VSTM2L: variants seen among roughly 807,000 people sequenced by gnomAD.
VSTM2L encodes V-set and transmembrane domain-containing protein 2-like protein.
VSTM2L carries 9 observed loss-of-function variants against 19.9 expected under a neutral mutation model. That is an observed-to-expected ratio of 0.45 (90% CI 0.27 to 0.79). The LOEUF (loss-of-function observed/expected upper bound fraction) is 0.79. VSTM2L is among the 30% of genes least tolerant of loss of function. The probability of loss-of-function intolerance (pLI) is 0.15; values close to 1 mark genes in which losing one functional copy is unlikely to be tolerated. For missense variants in VSTM2L, 286 were observed against 295.5 expected (o/e 0.97, Z 0.24); for synonymous variants, 127 against 133.8 (o/e 0.95, Z 0.35).
chr20:37,926,596 G>C (rs1232175555), intron 1 of VSTM2L, among the ~76,000 whole-genome samples: 1 of 152,194 alleles, frequency 6.6e-6, no homozygotes, highest in Non-Finnish European at 1.5e-5. Flanking sequence ...TTGCGGTTTT[G>C]ACCATTACTT....
In VSTM2L at chr20:37,944,378, C is replaced by A; in HGVS notation, c.*125C>A. 7.8e-7 allele frequency: 1 copy of A among 1,280,086 alleles called. No homozygotes were observed. Among genetic ancestry groups the A allele is most frequent in the Non-Finnish European group, 1.0e-6 (1 of 983,978 alleles). The allele number at this position is 1,280,086 out of a possible 1,614,324, so 79.3% of individuals were successfully genotyped here. Reference sequence around the variant, plus strand: ...CCATCCCCGAGGCCGCCTGTGGCCACCATGTCGGCCCTCTTTCCACCACCC... The same window carrying A: ...CCATCCCCGAGGCCGCCTGTGGCCAACATGTCGGCCCTCTTTCCACCACCC... On this transcript the variant is annotated 3_prime_UTR_variant, in exon 4 of 4. Coordinates refer to ENST00000373461, the MANE Select transcript of VSTM2L (RefSeq NM_080607.3).
intron 1 of VSTM2L, among the ~76,000 whole-genome samples, chr20:37,928,290 T>C (rs536995853): frequency 1.6e-4 from 25 of 152,290 alleles, no homozygotes; most frequent in African/African-American, 5.8e-4. Context: ...TCTTCGGCTC[T>C]TCCCGTGCAG....
intron 3 of VSTM2L, among the ~76,000 whole-genome samples, chr20:37,937,314 T>C (rs1275248829): frequency 6.6e-6 from 1 of 152,178 alleles, no homozygotes; most frequent in East Asian, 1.9e-4. Context: ...GCACTTTATA[T>C]GAATTATCTC....
rs1214690497 is a variant in VSTM2L, at chr20:37,903,589, C to T, written c.121+118C>T. The T allele has an allele frequency of 1.5e-5, 20 of 1,295,726 alleles. No homozygotes were observed. In the South Asian group the frequency reaches 3.8e-4, roughly 25 times the overall value. 80.3% of individuals were successfully genotyped at this position (1,295,726 alleles called of 1,614,324 possible). On this transcript the variant is annotated intron_variant, in intron 1 of 3. Transcript: ENST00000373461. ...GCCAGTCGTGGCGGGCATCCCGGGG[C>T]GCCCCCTGCCGGCGCGGTGGACCCG... is the stretch of plus-strand genomic sequence containing the variant.
At chr20:37,942,707 C>CT (rs1472911300) in intron 3 of VSTM2L, among the ~76,000 whole-genome samples, 5 of 152,226 alleles carry the variant, frequency 3.3e-5, no homozygotes, top group African/African-American at 9.6e-5. Context: ...ATGCTTTGCT[C>CT]TGGATGGTGG....
At chr20:37,926,640 C>T (rs1600568917) in intron 1 of VSTM2L, among the ~76,000 whole-genome samples, 1 of 152,326 alleles carries the variant, frequency 6.6e-6, no homozygotes. Context: ...TTTGCACTAA[C>T]CTATAGCTCT....
chr20:37,938,716 G>A (rs929609108), intron 3 of VSTM2L, among the ~76,000 whole-genome samples: 2 of 152,230 alleles, frequency 1.3e-5, no homozygotes, highest in South Asian at 2.1e-4. Flanking sequence ...ATGCCTGTGC[G>A]GAGGTGATTA....
At chr20:37,931,169 G>A (rs1230974929) in intron 1 of VSTM2L, among the ~76,000 whole-genome samples, 2 of 152,168 alleles carry the variant, frequency 1.3e-5, no homozygotes. Flanking sequence ...CAGGGGAGAG[G>A]CCACATCTGA....
At chr20:37,912,211 T>C (rs1600561204) in intron 1 of VSTM2L, among the ~76,000 whole-genome samples, 3 of 152,068 alleles carry the variant, frequency 2.0e-5, no homozygotes, top group Non-Finnish European at 4.4e-5. Context: ...AGAGCCAGAG[T>C]TCGTAGCCTG....
chr20:37,929,440 G>A (rs1037316970), intron 1 of VSTM2L, among the ~76,000 whole-genome samples: 3 of 152,148 alleles, frequency 2.0e-5, no homozygotes, highest in Admixed American at 6.5e-5. Context: ...TCCTGGGCAC[G>A]AGCAATCCTT....
chr20:37,944,104 A>G lies in VSTM2L; in HGVS notation c.466A>G (p.Lys156Glu). The G allele has an allele frequency of 6.2e-7, 1 of 1,612,860 alleles. No individual in the cohort carries two copies. Among genetic ancestry groups the G allele is most frequent in the Non-Finnish European group, 8.5e-7 (1 of 1,179,372 alleles). ...CAGCGACGGCAAGGCCCGGCACCAC[A>G]AGGTCAAGGCCTACCTGCGGGTGCA... The part of the protein sequence containing the change: ...DFSDGKARHH[K>E]VKAYLRVQPG... Residue 156 changes from lysine (K) to glutamate (E), a missense_variant, in exon 4 of 4, where the codon AAG (lysine) becomes GAG (glutamate). Coordinates refer to ENST00000373461, the MANE Select transcript of VSTM2L (RefSeq NM_080607.3).
chr20:37,944,622 C>A lies in VSTM2L; in HGVS notation c.*369C>A. The A allele has an allele frequency of 1.9e-6, 2 of 1,033,146 alleles. No homozygotes were observed. The highest frequency in any genetic ancestry group is 9.2e-5 in the South Asian group (2 of 21,762). The allele number at this position is 1,033,146 out of a possible 1,614,324, so 64.0% of individuals were successfully genotyped here. ...TCCCCCATCCTGTCCTGAGCCGGGG[C>A]CCCCCAGCCTCGCCTCCCTCCTCCT... On this transcript the variant is annotated 3_prime_UTR_variant, in exon 4 of 4. Coordinates refer to ENST00000373461, the MANE Select transcript of VSTM2L (RefSeq NM_080607.3).
intron 3 of VSTM2L, among the ~76,000 whole-genome samples, chr20:37,941,895 CTTT>C (rs35678873): frequency 7.1e-6 from 1 of 140,096 alleles, no homozygotes. Context: ...GGCCCAACTC[CTTT>C]TTTTTTTTTT....
chr20:37,925,442 A>G (rs2072874341), intron 1 of VSTM2L, among the ~76,000 whole-genome samples: 1 of 152,112 alleles, frequency 6.6e-6, no homozygotes, highest in Admixed American at 6.5e-5. Context: ...GTCGGCAGAA[A>G]CAGGCTCCGT....
At chr20:37,937,848 C>A (rs2072949316) in intron 3 of VSTM2L, among the ~76,000 whole-genome samples, 1 of 152,156 alleles carries the variant, frequency 6.6e-6, no homozygotes, top group Admixed American at 6.5e-5. Flanking sequence ...GCCAGGAGGG[C>A]TTCCTGGAGG....
At chr20:37,942,392 G>T (rs756360311) in intron 3 of VSTM2L, among the ~76,000 whole-genome samples, 2 of 152,216 alleles carry the variant, frequency 1.3e-5, no homozygotes, top group Non-Finnish European at 1.5e-5. Flanking sequence ...TGAGGCATGA[G>T]AACTGCTTGA....
At chr20:37,931,302 C>A (rs192063239) in intron 1 of VSTM2L, among the ~76,000 whole-genome samples, 9 of 152,286 alleles carry the variant, frequency 5.9e-5, no homozygotes, top group Admixed American at 3.3e-4. Context: ...TCCTCCCTGG[C>A]CTTCTTGCTG....
chr20:37,933,644 C>T lies in VSTM2L; in HGVS notation c.342+55C>T, dbSNP rs1295579496. 12 of 1,583,668 alleles carry T rather than the reference C, an allele frequency of 7.6e-6. No homozygotes were observed. In the African/African-American group the frequency reaches 1.5e-4, roughly 20 times the overall value. On this transcript the variant is annotated intron_variant, in intron 3 of 3. Coordinates refer to ENST00000373461, the MANE Select transcript of VSTM2L (RefSeq NM_080607.3). Reference sequence around the variant, plus strand: ...GCTCTAATGGAGGGCACAGCTGTGACTTAAAAAAAAATTGGGGTCCAGTTC... The same window carrying T: ...GCTCTAATGGAGGGCACAGCTGTGATTTAAAAAAAAATTGGGGTCCAGTTC...
At position 37,945,062 on chromosome 20, in the gene VSTM2L, C is replaced by T. The variant is rs2073000867; in HGVS notation, c.*809C>T. 2.0e-6 allele frequency: 2 copies of T among 985,722 alleles called. No individual in the cohort carries two copies. The highest frequency in any genetic ancestry group is 2.4e-6 in the Non-Finnish European group (2 of 829,942). 61.1% of individuals were successfully genotyped at this position (985,722 alleles called of 1,614,324 possible). On this transcript the variant is annotated 3_prime_UTR_variant, in exon 4 of 4. Coordinates refer to ENST00000373461, the MANE Select transcript of VSTM2L (RefSeq NM_080607.3). ...CAATGCCCCAGCTCCCTCTTGGGTC[C>T]TGTGCCAAGTCCGCCCCAGGGCCTG...
Sources: gnomAD v4.1 joint callset for allele counts (sites outside exome capture counted in the v4.1 genomes callset) on GRCh38, gnomAD v4.1.1 for gene constraint, MANE v1.5 for transcripts, NCBI Gene and HGNC (gene_info 2026-07-23, HGNC 2026-07-21) for gene names.